Variants in PTBP2 observed in about 807,000 individuals in gnomAD.
The protein encoded by PTBP2 is polypyrimidine tract-binding protein 2.
PTBP2 carries 13 observed loss-of-function variants against 61.4 expected under a neutral mutation model. The ratio of observed to expected loss-of-function variants is 0.21; its 90% CI spans 0.14 to 0.34. PTBP2 has a LOEUF of 0.34. Ranked by LOEUF, PTBP2 falls within the 10% of genes least tolerant of loss-of-function variation. The probability of loss-of-function intolerance (pLI) is 1.00; values close to 1 mark genes in which losing one functional copy is unlikely to be tolerated. For missense variants in PTBP2, 405 were observed against 642.6 expected (o/e 0.63, Z 4.00); for synonymous variants, 215 against 218.5 (o/e 0.98, Z 0.14).
intron 3 of PTBP2, among the ~76,000 whole-genome samples, chr1:96,754,545 A>T (rs537791151): frequency 4.6e-5 from 7 of 152,162 alleles, no homozygotes; most frequent in Non-Finnish European, 1.0e-4. Context: ...AAAAAGATAA[A>T]AAGAAGTATA....
intron 8 of PTBP2, among the ~76,000 whole-genome samples, chr1:96,791,374 T>TCC (rs1469471982): frequency 6.6e-6 from 1 of 152,198 alleles, no homozygotes; most frequent in Admixed American, 6.5e-5. Context: ...TTCATTGTAG[T>TCC]CTTTTAGATA....
chr1:96,763,674 T>C (rs1557725304), intron 3 of PTBP2, among the ~76,000 whole-genome samples: 1 of 151,686 alleles, frequency 6.6e-6, no homozygotes, highest in Non-Finnish European at 1.5e-5. Context: ...TGATATATAA[T>C]GTACTTCATG....
intron 2 of PTBP2, among the ~76,000 whole-genome samples, chr1:96,737,207 C>A (rs1652339167): frequency 6.6e-6 from 1 of 152,138 alleles, no homozygotes; most frequent in South Asian, 2.1e-4. Flanking sequence ...ACCTCCTGAT[C>A]TGCCCACCCT....
intron 3 of PTBP2, among the ~76,000 whole-genome samples, chr1:96,758,983 A>G (rs1655480574): frequency 6.6e-6 from 1 of 152,198 alleles, no homozygotes; most frequent in Non-Finnish European, 1.5e-5. Context: ...ATGTACAGAA[A>G]TAGTCTCCTT....
chr1:96,785,403 T>C, intron 8 of PTBP2, 149 bp downstream of exon 8: 2 of 561,140 alleles, frequency 3.6e-6, no homozygotes, highest in South Asian at 6.7e-5. Context: ...GGCATATGAA[T>C]ACTGTTAAGA....
rs567797109 is a variant in PTBP2, at chr1:96,781,953, T to C, written c.709-3106T>C. Among the ~76,000 whole-genome samples the C allele has an allele frequency of 2.6e-5, 4 of 152,132 alleles. No individual in the cohort carries two copies. The South Asian group carries it at 8.3e-4, about 32-fold the overall frequency. ...AAAGATGCGTCTTCTCTTGGCTTTC[T>C]AATTCAGCTTTTATAATGTTGAGGA... On this transcript the variant is annotated intron_variant, in intron 7 of 13. Coordinates refer to ENST00000674951, the MANE Select transcript of PTBP2 (RefSeq NM_021190.4).
At chr1:96,758,539 A>G (rs1174038831) in intron 3 of PTBP2, among the ~76,000 whole-genome samples, 1 of 152,090 alleles carries the variant, frequency 6.6e-6, no homozygotes, top group Admixed American at 6.5e-5. Context: ...ATGAGAGACA[A>G]TTCTGAGACT....
exon 14 of PTBP2, chr1:96,822,104 A>G (rs554476908): frequency 6.6e-6 from 1 of 152,362 alleles, no homozygotes; most frequent in Admixed American, 6.5e-5. Context: ...AACCTAAATA[A>G]CTAAAACACA....
At position 96,770,852 on chromosome 1, in the gene PTBP2, G is replaced by C. The variant is rs1188620683; in HGVS notation, c.432+1G>C. ...AAAGACAGATAATACATTAAACCAAGTAAGTATGTGTAGGTACATAAATAA... is the reference window on the plus strand; with the variant it reads ...AAAGACAGATAATACATTAAACCAACTAAGTATGTGTAGGTACATAAATAA... On this transcript the variant is annotated splice_donor_variant, in intron 5 of 13. Transcript: ENST00000674951. LOFTEE classifies it high-confidence loss of function. 6.4e-7 allele frequency: 1 copy of C among 1,555,288 alleles called. No individual in the cohort carries two copies. Among genetic ancestry groups the C allele is most frequent in the East Asian group, 2.3e-5 (1 of 44,424 alleles).
intron 8 of PTBP2, among the ~76,000 whole-genome samples, chr1:96,786,742 A>G (rs182572921): frequency 1.9e-4 from 29 of 152,294 alleles, no homozygotes; most frequent in African/African-American, 6.7e-4. Flanking sequence ...AAAAATTCAC[A>G]TGCAACTCAT....
chr1:96,810,413 T>G (rs1243874269), intron 11 of PTBP2, among the ~76,000 whole-genome samples: 1 of 152,240 alleles, frequency 6.6e-6, no homozygotes, highest in African/African-American at 2.4e-5. Flanking sequence ...ACTTAAAAAT[T>G]TTGGTATTCT....
intron 3 of PTBP2, among the ~76,000 whole-genome samples, chr1:96,767,439 T>C (rs566788422): frequency 2.0e-4 from 30 of 152,162 alleles, no homozygotes; most frequent in Non-Finnish European, 3.7e-4. Flanking sequence ...GAAACTGAAA[T>C]TTGCTTTTTT....
At chr1:96,737,335 A>G (rs1368105097) in intron 2 of PTBP2, among the ~76,000 whole-genome samples, 2 of 152,202 alleles carry the variant, frequency 1.3e-5, no homozygotes, top group Non-Finnish European at 2.9e-5. Context: ...GGTTCATACT[A>G]CGTTTCTTTT....
intron 8 of PTBP2, among the ~76,000 whole-genome samples, chr1:96,791,831 T>TTTTGTTTG (rs1292684787): frequency 3.1e-5 from 4 of 127,732 alleles, no homozygotes; most frequent in Non-Finnish European, 4.8e-5. Context: ...TTGTGCTTTT[T>TTTTGTTTG]TTTTTTTTTT....
chr1:96,804,662 A>G (rs752374844), intron 8 of PTBP2, 138 bp from the exon 9 acceptor site: 409 of 801,076 alleles, frequency 5.1e-4, no homozygotes, highest in Non-Finnish European at 6.9e-4. Flanking sequence ...TAAACACTAT[A>G]AAAATTAACT....
chr1:96,767,239 A>G (rs749582936), intron 3 of PTBP2, among the ~76,000 whole-genome samples: 1 of 152,170 alleles, frequency 6.6e-6, no homozygotes, highest in Admixed American at 6.5e-5. Flanking sequence ...ACACAAATCC[A>G]AAATAAATTA....
At chr1:96,810,978 T>TC (rs905166217) in intron 11 of PTBP2, among the ~76,000 whole-genome samples, 9 of 152,074 alleles carry the variant, frequency 5.9e-5, no homozygotes, top group African/African-American at 1.9e-4. Context: ...TTGTTTTTTT[T>TC]CTGTGCTTAG....
chr1:96,785,338 T>C, intron 8 of PTBP2, 84 bp downstream of exon 8: 1 of 1,093,166 alleles, frequency 9.1e-7, no homozygotes, highest in Non-Finnish European at 1.3e-6. Context: ...CCCCCCATTT[T>C]GGACCTTACC....
rs1411684157 is a variant in PTBP2, at chr1:96,761,565, A to T, written c.116-8138A>T. 2.6e-5 allele frequency among the ~76,000 whole-genome samples: 4 copies of T among 152,300 alleles called. No homozygotes were observed. The East Asian group carries it at 7.7e-4, about 29-fold the overall frequency. On this transcript the variant is annotated intron_variant, in intron 3 of 13. Transcript: ENST00000674951. Reference sequence around the variant, plus strand: ...TTGGAAGGAGAATGCAGGAAATGATAAAACGAGTTATCTGGAAGAAGACAA... The same window carrying T: ...TTGGAAGGAGAATGCAGGAAATGATTAAACGAGTTATCTGGAAGAAGACAA...
Sources: gnomAD v4.1 joint callset for allele counts (sites outside exome capture counted in the v4.1 genomes callset) on GRCh38, gnomAD v4.1.1 for gene constraint, MANE v1.5 for transcripts, NCBI Gene and HGNC (gene_info 2026-07-23, HGNC 2026-07-21) for gene names.